Variants in POLR3B observed in about 807,000 individuals in gnomAD.
POLR3B encodes DNA-directed RNA polymerase III subunit RPC2.
In POLR3B, 96 loss-of-function variants were observed where a neutral mutation model predicts 147.4. That is an observed-to-expected ratio of 0.65 (90% CI 0.55 to 0.77). POLR3B has a LOEUF of 0.77. POLR3B is among the 30% of genes least tolerant of loss of function. The pLI, the probability that POLR3B is intolerant of heterozygous loss-of-function variation, is 0.00. For missense variants in POLR3B, 1,036 were observed against 1,413.5 expected (o/e 0.73, Z 4.28); for synonymous variants, 461 against 485.9 (o/e 0.95, Z 0.67).
chr12:106,384,669 A>G lies in POLR3B; in HGVS notation c.723+4530A>G, dbSNP rs933287366. 2.0e-5 allele frequency among the ~76,000 whole-genome samples: 3 copies of G among 152,078 alleles called. No homozygotes were observed. In the East Asian group the frequency reaches 5.8e-4, roughly 29 times the overall value. On this transcript the variant is annotated intron_variant, in intron 9 of 27. Coordinates refer to ENST00000228347, the MANE Select transcript of POLR3B (RefSeq NM_018082.6). ...TTGCAGTATAAGATGGCCCCCTAGT[A>G]TAATGCTAAAGTGCTGTCGAGGTGT...
intron 23 of POLR3B, among the ~76,000 whole-genome samples, chr12:106,485,705 G>T (rs1365464083): frequency 6.6e-6 from 1 of 152,152 alleles, no homozygotes; most frequent in African/African-American, 2.4e-5. Flanking sequence ...GGAGCAATTG[G>T]GTAAAGAATA....
intron 21 of POLR3B, among the ~76,000 whole-genome samples, chr12:106,458,244 C>T (rs1286579617): frequency 6.6e-6 from 1 of 152,072 alleles, no homozygotes; most frequent in Non-Finnish European, 1.5e-5. Flanking sequence ...ACTTCAACCT[C>T]CTGTATAGCT....
At chr12:106,462,555 C>T (rs1441005291) in intron 22 of POLR3B, among the ~76,000 whole-genome samples, 1 of 152,170 alleles carries the variant, frequency 6.6e-6, no homozygotes, top group African/African-American at 2.4e-5. Context: ...ATTTTCTAAA[C>T]TACTCTGGCC....
intron 19 of POLR3B, among the ~76,000 whole-genome samples, chr12:106,448,050 T>C (rs1261827640): frequency 2.6e-5 from 4 of 152,138 alleles, no homozygotes; most frequent in Non-Finnish European, 5.9e-5. Context: ...CCCCTTTCTG[T>C]TTGATTTGAT....
intron 21 of POLR3B, 96 bp from the exon 22 acceptor site, chr12:106,459,155 T>C: frequency 1.3e-6 from 1 of 774,630 alleles, no homozygotes; most frequent in East Asian, 2.5e-5. Context: ...TCCTGAGTTG[T>C]TGGGACTGCA....
intron 10 of POLR3B, among the ~76,000 whole-genome samples, chr12:106,402,896 T>A (rs1318246344): frequency 6.6e-6 from 1 of 152,186 alleles, no homozygotes; most frequent in Non-Finnish European, 1.5e-5. Flanking sequence ...GACATAGGCA[T>A]GGGCAGGGAC....
intron 10 of POLR3B, among the ~76,000 whole-genome samples, chr12:106,397,259 A>G (rs2036991423): frequency 6.6e-6 from 1 of 152,234 alleles, no homozygotes; most frequent in African/African-American, 2.4e-5. Flanking sequence ...TCATGTATCC[A>G]AGGCCTACCT....
At chr12:106,391,320 A>G (rs935275273) in intron 9 of POLR3B, among the ~76,000 whole-genome samples, 1 of 152,170 alleles carries the variant, frequency 6.6e-6, no homozygotes, top group African/African-American at 2.4e-5. Flanking sequence ...AGTGCCTTTT[A>G]TGACCAGTCC....
chr12:106,391,932 A>C (rs1314893148), intron 9 of POLR3B, among the ~76,000 whole-genome samples: 1 of 152,188 alleles, frequency 6.6e-6, no homozygotes, highest in Non-Finnish European at 1.5e-5. Context: ...GAAGAATTTT[A>C]ATGCAAACAT....
intron 26 of POLR3B, among the ~76,000 whole-genome samples, chr12:106,503,725 G>C (rs1260198463): frequency 2.0e-5 from 3 of 152,152 alleles, no homozygotes; most frequent in South Asian, 4.1e-4. Flanking sequence ...ATTGTTTCCT[G>C]ATTTGAAAAC....
At chr12:106,485,442 T>C (rs1280417593) in intron 23 of POLR3B, among the ~76,000 whole-genome samples, 2 of 152,148 alleles carry the variant, frequency 1.3e-5, no homozygotes, top group African/African-American at 4.8e-5. Flanking sequence ...GGATTCTATA[T>C]GAAAAGTGGA....
intron 6 of POLR3B, among the ~76,000 whole-genome samples, chr12:106,371,163 A>G (rs988725348): frequency 4.9e-5 from 7 of 142,746 alleles, no homozygotes; most frequent in Non-Finnish European, 9.3e-5. Flanking sequence ...GAAGACATTT[A>G]TGCAGCCAAA....
chr12:106,387,128 A>G (rs1404983216), intron 9 of POLR3B, among the ~76,000 whole-genome samples: 1 of 152,256 alleles, frequency 6.6e-6, no homozygotes, highest in Non-Finnish European at 1.5e-5. Context: ...TTAGAAAGCC[A>G]CTTAAAAGTA....
At chr12:106,372,894 A>T (rs983646792) in intron 6 of POLR3B, among the ~76,000 whole-genome samples, 2 of 152,220 alleles carry the variant, frequency 1.3e-5, no homozygotes, top group Non-Finnish European at 2.9e-5. Flanking sequence ...CCCTTGGTAT[A>T]AAATGAGAAT....
intron 23 of POLR3B, among the ~76,000 whole-genome samples, chr12:106,489,921 C>G (rs948301588): frequency 6.6e-6 from 1 of 152,110 alleles, no homozygotes; most frequent in Admixed American, 6.5e-5. Context: ...GTAGGGCTAT[C>G]CGTATGAGCC....
At chr12:106,485,364 C>A (rs1020413096) in intron 23 of POLR3B, among the ~76,000 whole-genome samples, 5 of 152,094 alleles carry the variant, frequency 3.3e-5, no homozygotes, top group Non-Finnish European at 7.4e-5. Context: ...TGGGTACATA[C>A]AAACCATAAA....
chr12:106,486,573 C>T (rs564930962), intron 23 of POLR3B, among the ~76,000 whole-genome samples: 1 of 152,138 alleles, frequency 6.6e-6, no homozygotes, highest in African/African-American at 2.4e-5. Flanking sequence ...TTTTCTGTCT[C>T]CTCCTTAAGA....
chr12:106,415,578 G>T (rs1401506642), intron 12 of POLR3B, among the ~76,000 whole-genome samples: 1 of 152,178 alleles, frequency 6.6e-6, no homozygotes. Flanking sequence ...CAGGAGATAT[G>T]TATCTGTGAA....
intron 4 of POLR3B, 89 bp from the exon 5 acceptor site, chr12:106,369,186 A>G: frequency 1.3e-6 from 1 of 794,244 alleles, no homozygotes. Flanking sequence ...TTATCAAAAC[A>G]TAATCTTTGT....
Sources: allele counts gnomAD v4.1 joint callset (sites outside exome capture counted in the v4.1 genomes callset), GRCh38; gene constraint gnomAD v4.1.1; transcripts MANE v1.5; gene names NCBI Gene and HGNC (gene_info 2026-07-23, HGNC 2026-07-21).